Variants in MBP observed in about 807,000 individuals in gnomAD.
The protein encoded by MBP is Golli-MBP.
Under a neutral mutation model 35.8 loss-of-function variants are expected in MBP, and 16 were observed. The observed-to-expected ratio is 0.45, with a 90% CI of 0.30 to 0.68. The LOEUF is 0.68. Ranked by LOEUF, MBP falls within the 30% of genes least tolerant of loss-of-function variation. The pLI is 0.08. For synonymous variants in MBP, 143 were observed against 159.6 expected (o/e 0.90, Z 0.78); for missense variants, 380 against 404.7 (o/e 0.94, Z 0.52).
intron 2 of MBP, among the ~76,000 whole-genome samples, chr18:77,094,297 C>T (rs1250817075): frequency 1.3e-5 from 2 of 152,144 alleles, no homozygotes; most frequent in Non-Finnish European, 2.9e-5. Flanking sequence ...TAAAAGGATG[C>T]CTTTTCTATA....
intron 2 of MBP, among the ~76,000 whole-genome samples, chr18:77,103,899 T>C (rs4890893): frequency 0.2 from 30,358 of 152,304 alleles, 3,614 homozygotes; most frequent in African/African-American, 0.33. Flanking sequence ...AGGAAGCTGA[T>C]GCCTTCAAAT....
intron 2 of MBP, among the ~76,000 whole-genome samples, chr18:77,090,278 C>T (rs1174280068): frequency 6.6e-6 from 1 of 152,212 alleles, no homozygotes; most frequent in Non-Finnish European, 1.5e-5. Flanking sequence ...TTAAACGTTA[C>T]TAAATTAAAA....
chr18:77,032,482 AG>A (rs34530190), intron 3 of MBP, among the ~76,000 whole-genome samples: 55,479 of 152,102 alleles, frequency 0.36, 12,196 homozygotes, highest in Non-Finnish European at 0.48. Context: ...CTCCCACGGC[AG>A]GGAAGAGGCC....
At chr18:77,048,695 C>T (rs1316424462) in intron 3 of MBP, among the ~76,000 whole-genome samples, 2 of 152,104 alleles carry the variant, frequency 1.3e-5, no homozygotes, top group East Asian at 3.9e-4. Context: ...AACTCCTGAC[C>T]TCAGGTGATC....
rs113296665 is a variant in MBP, at chr18:77,102,188, C to A, written c.51+3023G>T. ...GGAGGGGGCCCTCAGCAGCCTGGGC[C>A]GGGCAGTGGGGCAGAGGCAGTGTGT... is the stretch of plus-strand genomic sequence containing the variant. On this transcript the variant is annotated intron_variant, in intron 2 of 8. Coordinates refer to ENST00000355994, the MANE Select transcript of MBP (RefSeq NM_001025101.2). The surrounding 1 kb of genome is among the most constrained non-coding windows in gnomAD (Gnocchi z 4.4). Among the ~76,000 whole-genome samples the A allele has an allele frequency of 3.3e-5, 5 of 152,156 alleles. No individual in the cohort carries two copies. Among genetic ancestry groups the A allele is most frequent in the African/African-American group, 1.2e-4 (5 of 41,528 alleles).
At chr18:76,996,727 GTGGACCA>G (rs1212181507) in intron 4 of MBP, among the ~76,000 whole-genome samples, 3 of 152,060 alleles carry the variant, frequency 2.0e-5, no homozygotes, top group African/African-American at 7.2e-5. Context: ...AGGGTGCAGT[GTGGACCA>G]CGAGGGAGGG....
At chr18:77,003,567 G>T (rs987869254) in intron 4 of MBP, 4 of 152,188 alleles carry the variant, frequency 2.6e-5, no homozygotes, top group Admixed American at 2.0e-4. Context: ...AACCACAGAA[G>T]ATAGTGGTGT....
chr18:77,001,230 G>T (rs1161036371), intron 4 of MBP, among the ~76,000 whole-genome samples: 1 of 152,228 alleles, frequency 6.6e-6, no homozygotes, highest in Admixed American at 6.5e-5. Context: ...CAGCCTCCAG[G>T]TGGGACCATG....
chr18:76,980,820 C>T (rs1445869551), intron 8 of MBP: 1 of 241,904 alleles, frequency 4.1e-6, no homozygotes, highest in Non-Finnish European at 8.1e-6. Flanking sequence ...TTCTCGTCAG[C>T]TAGAGGTGCC....
Position 77,020,916 on chromosome 18 carries a change from A to G in MBP, c.140-3648T>C, listed in dbSNP as rs1204699761. On this transcript the variant is annotated intron_variant, in intron 3 of 8. Coordinates refer to ENST00000355994, the MANE Select transcript of MBP (RefSeq NM_001025101.2). This position sits in a 1 kb window ranked among gnomAD's most constrained non-coding sequence, Gnocchi z 4.1. Reference sequence around the variant, plus strand: ...TTCTGCACAATTACTAAGAGGCAGGAAAGTCATAAAGACGTTGGTGAGGAA... The same window carrying G: ...TTCTGCACAATTACTAAGAGGCAGGGAAGTCATAAAGACGTTGGTGAGGAA... Among the ~76,000 whole-genome samples, 1 of 152,232 alleles carries G rather than the reference A, an allele frequency of 6.6e-6. No homozygotes were observed. The highest frequency in any genetic ancestry group is 1.5e-5 in the Non-Finnish European group (1 of 68,046).
intron 3 of MBP, among the ~76,000 whole-genome samples, chr18:77,029,656 G>C (rs933685725): frequency 6.6e-6 from 1 of 152,060 alleles, no homozygotes; most frequent in South Asian, 2.1e-4. Flanking sequence ...AGACTCACTC[G>C]TTCTCCACAT....
chr18:76,988,536 G>A lies in MBP; in HGVS notation c.718-9C>T. ...AGGGACAGTCCTCTCCCCTGCATGAGGAAGACAGAGAAATAATGACATGGT... is the reference window on the plus strand; with the variant it reads ...AGGGACAGTCCTCTCCCCTGCATGAAGAAGACAGAGAAATAATGACATGGT... On this transcript the variant is annotated splice_polypyrimidine_tract_variant and intron_variant, in intron 6 of 8. Coordinates refer to ENST00000355994, the MANE Select transcript of MBP (RefSeq NM_001025101.2). The surrounding 1 kb of genome is among the most constrained non-coding windows in gnomAD (Gnocchi z 5.2). 6.2e-7 allele frequency: 1 copy of A among 1,609,664 alleles called. No individual in the cohort carries two copies. Among genetic ancestry groups the A allele is most frequent in the South Asian group, 1.1e-5 (1 of 90,838 alleles).
At chr18:77,067,064 G>A (rs982494846) in intron 2 of MBP, among the ~76,000 whole-genome samples, 14 of 152,254 alleles carry the variant, frequency 9.2e-5, no homozygotes, top group African/African-American at 2.7e-4. Flanking sequence ...CCAGTGCAGA[G>A]AGAAGACATG....
At position 77,044,751 on chromosome 18, in the gene MBP, A is replaced by C. The variant is rs1973159666; in HGVS notation, c.139+21547T>G. Among the ~76,000 whole-genome samples, 1 of 152,230 alleles carries C rather than the reference A, an allele frequency of 6.6e-6. No homozygotes were observed. On this transcript the variant is annotated intron_variant, in intron 3 of 8. Coordinates refer to ENST00000355994, the MANE Select transcript of MBP (RefSeq NM_001025101.2). The surrounding 1 kb of genome is among the most constrained non-coding windows in gnomAD (Gnocchi z 4.4). Reference sequence around the variant, plus strand: ...ATTAAACTTAACTCATAAAAGGAGAAGAAAAATGTTCATTTAGAAAAGTTG... The same window carrying C: ...ATTAAACTTAACTCATAAAAGGAGACGAAAAATGTTCATTTAGAAAAGTTG...
At chr18:77,103,857 C>T (rs983274762) in intron 2 of MBP, among the ~76,000 whole-genome samples, 2 of 152,178 alleles carry the variant, frequency 1.3e-5, no homozygotes, top group Non-Finnish European at 2.9e-5. Flanking sequence ...ACAGGGGAAC[C>T]GAAGGCAACG....
chr18:77,090,891 C>T (rs551554246), intron 2 of MBP, among the ~76,000 whole-genome samples: 33 of 152,324 alleles, frequency 2.2e-4, no homozygotes, highest in African/African-American at 7.9e-4. Flanking sequence ...CGACCTCACA[C>T]AGGACCAGGG....
intron 2 of MBP, among the ~76,000 whole-genome samples, chr18:77,073,294 A>C (rs78180094): frequency 0.022 from 3,287 of 152,322 alleles, 70 homozygotes; most frequent in Non-Finnish European, 0.031. Flanking sequence ...GGTCAACACT[A>C]GGCTCATGTT....
intron 1 of MBP, among the ~76,000 whole-genome samples, chr18:77,124,870 T>C (rs1447905727): frequency 1.3e-5 from 2 of 152,208 alleles, no homozygotes; most frequent in East Asian, 1.9e-4. Context: ...TGGATCCCCA[T>C]ACAAATTTTG....
chr18:77,029,518 G>A (rs7407368), intron 3 of MBP, among the ~76,000 whole-genome samples: 82,662 of 148,962 alleles, frequency 0.55, 24,365 homozygotes, highest in Non-Finnish European at 0.65. Context: ...GTCTTGCCAC[G>A]TTTCCCAGAC....
Sources: allele counts gnomAD v4.1 joint callset (sites outside exome capture counted in the v4.1 genomes callset), GRCh38; gene constraint gnomAD v4.1.1; non-coding constraint Gnocchi (gnomAD v3.1); transcripts MANE v1.5; gene names NCBI Gene and HGNC (gene_info 2026-07-23, HGNC 2026-07-21).